SUMO3: variants seen among roughly 807,000 people sequenced by gnomAD.
SUMO3 encodes the protein small ubiquitin like modifier 3.
SUMO3 carries 2 observed loss-of-function variants against 11.1 expected under a neutral mutation model. The observed-to-expected ratio is 0.18, with a 90% CI of 0.07 to 0.57. SUMO3 has a LOEUF of 0.57. SUMO3 is among the 20% of genes least tolerant of loss of function. SUMO3 has a pLI of 0.92. For synonymous variants in SUMO3, 56 were observed against 53.5 expected (o/e 1.05, Z -0.20); for missense variants, 70 against 132.8 (o/e 0.53, Z 2.32).
chr21:44,813,853 A>C, intron 2 of SUMO3, 123 bp downstream of exon 2: 1 of 1,571,840 alleles, frequency 6.4e-7, no homozygotes, highest in Non-Finnish European at 8.6e-7. Context: ...CCATCCACGA[A>C]GAGGGCACCT....
Position 44,818,007 on chromosome 21 carries a change from C to T in SUMO3, c.-39G>A. ...GCGCGGGGAGGCGGCGCGGGGGAAGCAGCGCGGAGCGGGCGAGTCACGCTC... is the reference window on the plus strand; with the variant it reads ...GCGCGGGGAGGCGGCGCGGGGGAAGTAGCGCGGAGCGGGCGAGTCACGCTC... On this transcript the variant is annotated 5_prime_UTR_variant, in exon 1 of 4. Coordinates refer to ENST00000332859, the MANE Select transcript of SUMO3 (RefSeq NM_006936.3). 1 of 1,176,464 alleles carries T rather than the reference C, an allele frequency of 8.5e-7. No individual in the cohort carries two copies. The highest frequency in any genetic ancestry group is 1.1e-6 in the Non-Finnish European group (1 of 951,798). 72.9% of individuals were successfully genotyped at this position (1,176,464 alleles called of 1,614,324 possible). A position where few individuals can be genotyped will look rare whatever the true frequency, so the allele number is the denominator to read the frequency against.
In SUMO3 at chr21:44,811,302, G is replaced by A. The variant is rs376127177; in HGVS notation, c.151-2184C>T. Among the ~76,000 whole-genome samples, 13 of 152,282 alleles carry A rather than the reference G, an allele frequency of 8.5e-5. No homozygotes were observed. Among genetic ancestry groups the A allele is most frequent in the East Asian group, 3.9e-4 (2 of 5,188 alleles). On this transcript the variant is annotated intron_variant, in intron 2 of 3. Coordinates refer to ENST00000332859, the MANE Select transcript of SUMO3 (RefSeq NM_006936.3). The surrounding 1 kb of genome is among the most constrained non-coding windows in gnomAD (Gnocchi z 5.0). ...ATCAATTGCTACTGAGGATGGGTGC[G>A]GTGGCTCACACCTGTAATCCCAGCA...
chr21:44,813,837 G>T (rs745475927), intron 2 of SUMO3, 139 bp downstream of exon 2: 2 of 1,549,722 alleles, frequency 1.3e-6, no homozygotes, highest in South Asian at 2.3e-5. Flanking sequence ...ACAAGCCCCC[G>T]CCTGCCCATC....
At chr21:44,813,885 A>G in intron 2 of SUMO3, 91 bp downstream of exon 2, 1 of 1,594,836 alleles carries the variant, frequency 6.3e-7, no homozygotes, top group East Asian at 2.2e-5. Context: ...ATCTGGGTCC[A>G]GCCCCGAGAC....
chr21:44,809,012 A>T, intron 3 of SUMO3, 35 bp downstream of exon 3: 4 of 1,595,746 alleles, frequency 2.5e-6, no homozygotes, highest in Non-Finnish European at 3.4e-6. Context: ...ACAAATCGGA[A>T]GTCGCCCTGG....
rs956462563 is a variant in SUMO3, at chr21:44,807,528, G to A, written c.223-488C>T. Among the ~76,000 whole-genome samples, 11 of 151,494 alleles carry A rather than the reference G, an allele frequency of 7.3e-5. No individual in the cohort carries two copies. The highest frequency in any genetic ancestry group is 1.0e-4 in the Non-Finnish European group (7 of 67,904). Reference sequence around the variant, plus strand: ...GAGGGTCCATTGCCAGCTTCTCCCCGCCCCTCCCCATTTAAAGCCCAGGCA... The same window carrying A: ...GAGGGTCCATTGCCAGCTTCTCCCCACCCCTCCCCATTTAAAGCCCAGGCA... On this transcript the variant is annotated intron_variant, in intron 3 of 3. Transcript: ENST00000332859. The surrounding 1 kb of genome is among the most constrained non-coding windows in gnomAD (Gnocchi z 4.3).
In SUMO3 at chr21:44,808,901, T is replaced by G. The variant is rs2083194056; in HGVS notation, c.222+146A>C. ...CATTTGAAAATTTAAATTTAAAATGTGAAAAATAAATAATCTAATAATCAA... is the reference window on the plus strand; with the variant it reads ...CATTTGAAAATTTAAATTTAAAATGGGAAAAATAAATAATCTAATAATCAA... On this transcript the variant is annotated intron_variant, in intron 3 of 3. Transcript: ENST00000332859. The G allele has an allele frequency of 8.0e-6, 6 of 748,010 alleles. No homozygotes were observed. The East Asian group carries it at 1.6e-4, about 20-fold the overall frequency. 46.3% of individuals were successfully genotyped at this position (748,010 alleles called of 1,614,324 possible).
In SUMO3 at chr21:44,814,000, C is replaced by T; in HGVS notation, c.126G>A (p.Leu42=). ...KIKRHTPLSK[L]MKAYCERQGL... The stretch of plus-strand genomic sequence containing the variant: ...CCTGCCTCTCGCAGTAGGCCTTCAT[C>T]AGCTTGCTCAGCGGCGTGTGCCTCT... The change falls in exon 2 of 4, where the codon CTG becomes CTA. Residue 42 remains leucine (L), a synonymous_variant. Coordinates refer to ENST00000332859, the MANE Select transcript of SUMO3 (RefSeq NM_006936.3). The T allele has an allele frequency of 6.2e-7, 1 of 1,612,942 alleles. No individual in the cohort carries two copies. The highest frequency in any genetic ancestry group is 8.5e-7 in the Non-Finnish European group (1 of 1,180,014).
At position 44,814,982 on chromosome 21, in the gene SUMO3, C is replaced by T. The variant is rs1555003; in HGVS notation, c.22-878G>A. Reference sequence around the variant, plus strand: ...TCAGTCTGAGCCGAAAAGTGGGGCACCCCTCTGCCGGCCTGCACTGCTGGG... The same window carrying T: ...TCAGTCTGAGCCGAAAAGTGGGGCATCCCTCTGCCGGCCTGCACTGCTGGG... On this transcript the variant is annotated intron_variant, in intron 1 of 3. Coordinates refer to ENST00000332859, the MANE Select transcript of SUMO3 (RefSeq NM_006936.3). 6.6e-3 allele frequency among the ~76,000 whole-genome samples: 1,005 copies of T among 152,346 alleles called. 4 individuals are homozygous for T. The highest frequency in any genetic ancestry group is 0.014 in the South Asian group (66 of 4,830).
rs1416950086 is a variant in SUMO3 at position 44,806,847 on chromosome 21, G to A, written c.*104C>T. The A allele has an allele frequency of 2.6e-6, 4 of 1,526,358 alleles. No homozygotes were observed. The African/African-American group carries it at 4.1e-5, about 16-fold the overall frequency. The allele number at this position is 1,526,358 out of a possible 1,614,324, so 94.6% of individuals were successfully genotyped here. A position where few individuals can be genotyped will look rare whatever the true frequency, so the allele number is the denominator to read the frequency against. On this transcript the variant is annotated 3_prime_UTR_variant, in exon 4 of 4. Coordinates refer to ENST00000332859, the MANE Select transcript of SUMO3 (RefSeq NM_006936.3). ...TCAAAGAGAGGAAAATCATCGTGGTGAATGTCCTCGAGTTTCCGCAGACAC... is the reference window on the plus strand; with the variant it reads ...TCAAAGAGAGGAAAATCATCGTGGTAAATGTCCTCGAGTTTCCGCAGACAC...
Position 44,811,001 on chromosome 21 carries a change from TGCACACACCCACATATGCACACAC to T in SUMO3, c.151-1907_151-1884del, listed in dbSNP as rs146790298. Among the ~76,000 whole-genome samples, 14,689 of 109,366 alleles carry T rather than the reference TGCACACACCCACATATGCACACAC, an allele frequency of 0.13. 979 individuals are homozygous for T. The highest frequency in any genetic ancestry group is 0.3 in the Middle Eastern group (58 of 194). The allele number at this position is 109,366 out of a possible 152,430, so 71.7% of individuals were successfully genotyped here. A position where few individuals can be genotyped will look rare whatever the true frequency, so the allele number is the denominator to read the frequency against. On this transcript the variant is annotated intron_variant, in intron 2 of 3. Coordinates refer to ENST00000332859, the MANE Select transcript of SUMO3 (RefSeq NM_006936.3). The surrounding 1 kb of genome is among the most constrained non-coding windows in gnomAD (Gnocchi z 5.0). Reference sequence around the variant, plus strand: ...ACACACCCATGCACACACCCACACATGCACACACCCACATATGCACACACGCACACACCCACATACACACACGCA... The same window carrying T: ...ACACACCCATGCACACACCCACACATGCACACACCCACATACACACACGCA...
At chr21:44,812,111 C>CAGTG (rs1402538896) in intron 2 of SUMO3, among the ~76,000 whole-genome samples, 3 of 120,726 alleles carry the variant, frequency 2.5e-5, no homozygotes, top group Non-Finnish European at 4.8e-5. Flanking sequence ...CAGGCTGGAG[C>CAGTG]AGTGATATGA....
intron 3 of SUMO3, chr21:44,808,565 T>A: frequency 1.4e-6 from 2 of 1,391,678 alleles, no homozygotes; most frequent in Non-Finnish European, 1.9e-6. Flanking sequence ...GACAGTATGA[T>A]GCCCTGCAAC....
intron 1 of SUMO3, among the ~76,000 whole-genome samples, chr21:44,815,447 C>T (rs900753335): frequency 3.3e-5 from 5 of 152,228 alleles, no homozygotes; most frequent in Non-Finnish European, 7.3e-5. Context: ...CCCCTGCCCA[C>T]TCCCGGGATG....
In SUMO3 at chr21:44,810,974, GCACACACCCATGCA is replaced by G. The variant is rs2083206871; in HGVS notation, c.151-1870_151-1857del. 8.0e-6 allele frequency among the ~76,000 whole-genome samples: 1 copy of G among 124,906 alleles called. No homozygotes were observed. Among genetic ancestry groups the G allele is most frequent in the South Asian group, 2.7e-4 (1 of 3,732 alleles). The allele number at this position is 124,906 out of a possible 152,430, so 81.9% of individuals were successfully genotyped here. On this transcript the variant is annotated intron_variant, in intron 2 of 3. Coordinates refer to ENST00000332859, the MANE Select transcript of SUMO3 (RefSeq NM_006936.3). The surrounding 1 kb of genome is among the most constrained non-coding windows in gnomAD (Gnocchi z 4.1). Reference sequence around the variant, plus strand: ...CACACACCCACACATGCACACCCATGCACACACCCATGCACACACCCACACATGCACACACCCAC... The same window carrying G: ...CACACACCCACACATGCACACCCATGCACACCCACACATGCACACACCCAC...
At chr21:44,808,571 G>A in intron 3 of SUMO3, 1 of 1,383,860 alleles carries the variant, frequency 7.2e-7, no homozygotes. Flanking sequence ...ATGATGCCCT[G>A]CAACGTGATA....
rs1227305970 is a variant in SUMO3, at chr21:44,809,200, G to T, written c.151-82C>A. On this transcript the variant is annotated intron_variant, in intron 2 of 3. Transcript: ENST00000332859. Reference sequence around the variant, plus strand: ...CAGTGGCCATTAGTCTCACTGACAAGCCCTGGAGAGGAAAAGCAGTGGCCA... The same window carrying T: ...CAGTGGCCATTAGTCTCACTGACAATCCCTGGAGAGGAAAAGCAGTGGCCA... 7.3e-6 allele frequency: 10 copies of T among 1,365,210 alleles called. No homozygotes were observed. The Admixed American group carries it at 8.9e-5, about 12-fold the overall frequency. The allele number at this position is 1,365,210 out of a possible 1,614,324, so 84.6% of individuals were successfully genotyped here. A position where few individuals can be genotyped will look rare whatever the true frequency, so the allele number is the denominator to read the frequency against.
chr21:44,809,585 A>G (rs763057306), intron 2 of SUMO3, among the ~76,000 whole-genome samples: 14 of 152,224 alleles, frequency 9.2e-5, no homozygotes, highest in Non-Finnish European at 1.8e-4. Context: ...CTAGACTAAC[A>G]TCCAAACTCA....
At chr21:44,812,852 G>A (rs557462998) in intron 2 of SUMO3, among the ~76,000 whole-genome samples, 12 of 152,198 alleles carry the variant, frequency 7.9e-5, no homozygotes, top group East Asian at 3.9e-4. Context: ...CAGTGGCCAC[G>A]AGCCCAGGCA....
Sources: gnomAD v4.1 joint callset for allele counts (sites outside exome capture counted in the v4.1 genomes callset) on GRCh38, gnomAD v4.1.1 for gene constraint, Gnocchi (gnomAD v3.1) non-coding constraint, MANE v1.5 for transcripts, NCBI Gene and HGNC (gene_info 2026-07-23, HGNC 2026-07-21) for gene names.